Variants in ADGRE3 observed in about 807,000 individuals in gnomAD.
ADGRE3 encodes the protein EGF-like module receptor 3.
ADGRE3 carries 88 observed loss-of-function variants against 80.1 expected under a neutral mutation model. That is an observed-to-expected ratio of 1.10 (90% CI 0.93 to 1.31). ADGRE3 has a LOEUF of 1.31. ADGRE3 is among the 40% of genes most tolerant of loss of function. ADGRE3 has a pLI of 0.00. For synonymous variants in ADGRE3, 281 were observed against 294.8 expected (o/e 0.95, Z 0.48); for missense variants, 715 against 776.5 (o/e 0.92, Z 0.94).
intron 11 of ADGRE3, among the ~76,000 whole-genome samples, chr19:14,635,308 T>C (rs1971006289): frequency 6.6e-6 from 1 of 152,054 alleles, no homozygotes; most frequent in Non-Finnish European, 1.5e-5. Flanking sequence ...TTTTGCTATG[T>C]TGCCCAGCCT....
chr19:14,669,993 A>G (rs1599657379), intron 1 of ADGRE3, among the ~76,000 whole-genome samples: 1 of 152,178 alleles, frequency 6.6e-6, no homozygotes. Context: ...TGATGGGTAC[A>G]TCAGAAACCC....
chr19:14,637,361 C>T (rs1270966158), intron 11 of ADGRE3, among the ~76,000 whole-genome samples: 1 of 150,298 alleles, frequency 6.7e-6, no homozygotes. Flanking sequence ...CTTCTCTCAT[C>T]TTCTCGCTTG....
At chr19:14,654,762 CT>C (rs1372468739) in intron 6 of ADGRE3, among the ~76,000 whole-genome samples, 4 of 152,126 alleles carry the variant, frequency 2.6e-5, no homozygotes, top group African/African-American at 9.7e-5. Flanking sequence ...TCCATCACCC[CT>C]AATAGTTTCC....
intron 1 of ADGRE3, among the ~76,000 whole-genome samples, chr19:14,672,348 G>A (rs1425213208): frequency 2.6e-5 from 4 of 152,246 alleles, no homozygotes; most frequent in Admixed American, 6.5e-5. Flanking sequence ...TGTAGATGAG[G>A]AAACAGGTCC....
chr19:14,611,007 T>C, the ADGRE3 span: 4 of 151,834 alleles, frequency 2.6e-5, no homozygotes, highest in African/African-American at 9.7e-5. Flanking sequence ...TTCCTTTTTT[T>C]TTTTTTTCCA....
intron 9 of ADGRE3, 110 bp from the exon 10 acceptor site, chr19:14,641,726 G>A: frequency 1.5e-6 from 2 of 1,340,042 alleles, no homozygotes; most frequent in Non-Finnish European, 1.0e-6. Flanking sequence ...TGGTAGTGTG[G>A]GACCGTTAGA....
chr19:14,673,809 C>T (rs1599660559), intron 1 of ADGRE3, among the ~76,000 whole-genome samples: 1 of 152,152 alleles, frequency 6.6e-6, no homozygotes, highest in East Asian at 1.9e-4. Flanking sequence ...GAAGTCAGGG[C>T]TTTTAGAGTA....
chr19:14,651,534 T>C (rs758019503), intron 6 of ADGRE3, among the ~76,000 whole-genome samples: 1 of 152,204 alleles, frequency 6.6e-6, no homozygotes, highest in Non-Finnish European at 1.5e-5. Context: ...AGTCAGAAGT[T>C]AGGTAAGACT....
chr19:14,629,047 G>A lies in ADGRE3; in HGVS notation c.1812+992C>T, dbSNP rs376442818. Among the ~76,000 whole-genome samples the A allele has an allele frequency of 5.3e-5, 8 of 151,862 alleles. No individual in the cohort carries two copies. The East Asian group carries it at 1.4e-3, about 26-fold the overall frequency. On this transcript the variant is annotated intron_variant, in intron 14 of 15. Coordinates refer to ENST00000253673, the MANE Select transcript of ADGRE3 (RefSeq NM_032571.5). ...AAGTGATTATCCTGCCTAGCCTCCC[G>A]AGCAGCTGGGATTACAGGCGCCTCC... is the stretch of plus-strand genomic sequence containing the variant.
rs539327956 is a variant in ADGRE3, at chr19:14,655,015, G to C, written c.544C>G (p.Gln182Glu). The C allele has an allele frequency of 6.2e-7, 1 of 1,613,678 alleles. No individual in the cohort carries two copies. Among genetic ancestry groups the C allele is most frequent in the South Asian group, 1.1e-5 (1 of 91,050 alleles). The change falls in exon 6 of 16, where the codon CAA becomes GAA. Residue 182 changes from glutamine to glutamate, a missense_variant. By Grantham distance (29) the Gln-to-Glu change is conservative (BLOSUM62 2). Coordinates refer to ENST00000253673, the MANE Select transcript of ADGRE3 (RefSeq NM_032571.5). ...TCGTTTTGGATTTTCAGGACTTTTT[G>C]TTCTGGATCTTTCAAGGCAGTTTCT... ...VLETALKDPE[Q>E]KVLKIQNDSV...
chr19:14,607,008 G>C, the ADGRE3 span: 1 of 1,299,722 alleles, frequency 7.7e-7, no homozygotes, highest in African/African-American at 1.5e-5. Flanking sequence ...TGTGGCCAAG[G>C]CCCATGGCTC....
intron 4 of ADGRE3, among the ~76,000 whole-genome samples, 160 bp from the exon 5 acceptor site, chr19:14,658,710 T>G (rs1971847676): frequency 6.6e-6 from 1 of 152,000 alleles, no homozygotes; most frequent in Admixed American, 6.6e-5. Context: ...TTAAAAAATT[T>G]TAAATTTTAT....
chr19:14,661,336 C>T (rs1013883762), intron 4 of ADGRE3, among the ~76,000 whole-genome samples: 4 of 152,186 alleles, frequency 2.6e-5, no homozygotes, highest in Non-Finnish European at 5.9e-5. Flanking sequence ...TGATTAGAGA[C>T]AGGGACTAGG....
At chr19:14,623,252 C>G (rs1408221981) in intron 15 of ADGRE3, among the ~76,000 whole-genome samples, 1 of 25,928 alleles carries the variant, frequency 3.9e-5, no homozygotes, top group Non-Finnish European at 8.2e-5. Flanking sequence ...GTGCTATTTA[C>G]TGAAGTTATT....
the ADGRE3 span, chr19:14,607,009 C>A: frequency 7.7e-7 from 1 of 1,299,672 alleles, no homozygotes; most frequent in Non-Finnish European, 9.8e-7. Context: ...GTGGCCAAGG[C>A]CCATGGCTCT....
intron 11 of ADGRE3, among the ~76,000 whole-genome samples, chr19:14,637,823 C>G (rs1215505412): frequency 1.3e-5 from 2 of 151,896 alleles, no homozygotes; most frequent in Non-Finnish European, 2.9e-5. Flanking sequence ...GCCACCACAC[C>G]TGGCCTCATT....
At chr19:14,637,807 G>A (rs1052974062) in intron 11 of ADGRE3, among the ~76,000 whole-genome samples, 7 of 151,848 alleles carry the variant, frequency 4.6e-5, no homozygotes, top group African/African-American at 7.3e-5. Flanking sequence ...GGTATTACAG[G>A]TGTGAGCCAC....
chr19:14,616,952 C>T (rs145726886), downstream of ADGRE3, among the ~76,000 whole-genome samples: 1,197 of 151,984 alleles, frequency 7.9e-3, 17 homozygotes, highest in African/African-American at 0.028. Context: ...TGCGCCACCA[C>T]GCCTGGCTAA....
intron 2 of ADGRE3, chr19:14,668,528 A>G (rs531965584): frequency 4.1e-5 from 20 of 484,684 alleles, no homozygotes; most frequent in African/African-American, 3.9e-4. Context: ...GCTTCATGAG[A>G]CTTTGTGTGT....
Sources: gnomAD v4.1 joint callset for allele counts (sites outside exome capture counted in the v4.1 genomes callset) on GRCh38, gnomAD v4.1.1 for gene constraint, MANE v1.5 for transcripts, NCBI Gene and HGNC (gene_info 2026-07-23, HGNC 2026-07-21) for gene names.